Variants in LRP1B observed in about 807,000 individuals in gnomAD.
LRP1B encodes the protein LDL receptor related protein 1B.
A neutral mutation model predicts 556.6 loss-of-function variants in LRP1B; 217 were observed. The ratio of observed to expected loss-of-function variants is 0.39; its 90% CI spans 0.35 to 0.44. The LOEUF (loss-of-function observed/expected upper bound fraction) is 0.44. Ranked by LOEUF, LRP1B falls within the 20% of genes least tolerant of loss-of-function variation. The pLI is 1.00. For missense variants in LRP1B, 5,053 were observed against 5,620.8 expected (o/e 0.90, Z 3.23); for synonymous variants, 2,047 against 1,865.8 (o/e 1.10, Z -2.50).
At chr2:141,729,619 T>C (rs1693192105) in intron 2 of LRP1B, among the ~76,000 whole-genome samples, 1 of 152,178 alleles carries the variant, frequency 6.6e-6, no homozygotes, top group African/African-American at 2.4e-5. Context: ...GAAATCCACA[T>C]TTTGTAAAGG....
At chr2:141,224,962 C>A (rs1683187124) in intron 6 of LRP1B, among the ~76,000 whole-genome samples, 1 of 151,924 alleles carries the variant, frequency 6.6e-6, no homozygotes, top group South Asian at 2.1e-4. Flanking sequence ...GCACATGTAT[C>A]CCAGAACTTG....
chr2:141,160,656 A>T (rs1351928456), intron 7 of LRP1B, among the ~76,000 whole-genome samples: 1 of 152,082 alleles, frequency 6.6e-6, no homozygotes, highest in African/African-American at 2.4e-5. Flanking sequence ...AGCCAATTTC[A>T]AAAAGTTTTT....
chr2:141,379,927 C>T (rs1689575650), intron 3 of LRP1B, among the ~76,000 whole-genome samples: 2 of 152,162 alleles, frequency 1.3e-5, no homozygotes, highest in South Asian at 4.1e-4. Context: ...AAAGGTCTGC[C>T]TAAAATGGGT....
At chr2:141,312,241 C>T (rs1188879276) in intron 3 of LRP1B, among the ~76,000 whole-genome samples, 6 of 152,120 alleles carry the variant, frequency 3.9e-5, no homozygotes, top group African/African-American at 1.2e-4. Context: ...GCCGACCCCT[C>T]ATTTTCCTCC....
chr2:141,959,177 C>A (rs1173876288), intron 1 of LRP1B, among the ~76,000 whole-genome samples: 2 of 151,932 alleles, frequency 1.3e-5, no homozygotes, highest in Admixed American at 6.6e-5. Flanking sequence ...AAACATAGCT[C>A]TTGTTTAGGA....
At chr2:141,408,204 A>G (rs1477824640) in intron 3 of LRP1B, among the ~76,000 whole-genome samples, 2 of 138,034 alleles carry the variant, frequency 1.4e-5, no homozygotes, top group African/African-American at 5.4e-5. Flanking sequence ...GTGCAGTGGC[A>G]TGATCTCGGC....
chr2:140,478,828 G>A (rs1460831159), intron 59 of LRP1B, among the ~76,000 whole-genome samples: 5 of 152,018 alleles, frequency 3.3e-5, no homozygotes, highest in East Asian at 3.9e-4. Flanking sequence ...AACAAACGTA[G>A]AACATTGATA....
chr2:141,136,488 C>T (rs1701495087), intron 7 of LRP1B, among the ~76,000 whole-genome samples: 1 of 151,426 alleles, frequency 6.6e-6, no homozygotes, highest in East Asian at 1.9e-4. Context: ...TTTTATTTAT[C>T]TAAAGGCAAG....
At chr2:140,890,886 A>G (rs1429716051) in intron 23 of LRP1B, among the ~76,000 whole-genome samples, 1 of 152,078 alleles carries the variant, frequency 6.6e-6, no homozygotes, top group Non-Finnish European at 1.5e-5. Flanking sequence ...AGAATTTTCT[A>G]GTTTGTTTTA....
At chr2:142,119,213 T>C (rs1707371562) in intron 1 of LRP1B, among the ~76,000 whole-genome samples, 1 of 152,164 alleles carries the variant, frequency 6.6e-6, no homozygotes, top group African/African-American at 2.4e-5. Flanking sequence ...CATACCATGC[T>C]TGAAAACTAA....
intron 1 of LRP1B, among the ~76,000 whole-genome samples, chr2:141,986,965 T>C (rs540755800): frequency 1.1e-4 from 17 of 152,136 alleles, no homozygotes; most frequent in Admixed American, 1.0e-3. Flanking sequence ...ATGACCTTGG[T>C]AAGTATTTAA....
At chr2:142,056,897 G>A (rs948811854) in intron 1 of LRP1B, among the ~76,000 whole-genome samples, 1 of 138,358 alleles carries the variant, frequency 7.2e-6, no homozygotes, top group Admixed American at 7.9e-5. Flanking sequence ...ATCCTTTATT[G>A]CAATAAATAT....
chr2:140,313,017 T>A (rs993632606), intron 83 of LRP1B, among the ~76,000 whole-genome samples: 7 of 151,970 alleles, frequency 4.6e-5, no homozygotes, highest in Non-Finnish European at 1.0e-4. Context: ...CAACAATGAA[T>A]AAATCCATGA....
intron 1 of LRP1B, among the ~76,000 whole-genome samples, chr2:141,973,470 G>A (rs1314770061): frequency 6.6e-6 from 1 of 151,658 alleles, no homozygotes; most frequent in Non-Finnish European, 1.5e-5. Context: ...GAGACCAGAA[G>A]GAAAAGAAAA....
chr2:140,246,450 T>C (rs1041500075), intron 87 of LRP1B, among the ~76,000 whole-genome samples: 1 of 151,344 alleles, frequency 6.6e-6, no homozygotes, highest in Admixed American at 6.6e-5. Flanking sequence ...TGTCAGAAAC[T>C]GTACACAGAC....
intron 43 of LRP1B, among the ~76,000 whole-genome samples, chr2:140,557,238 T>C (rs1680767067): frequency 6.6e-6 from 1 of 152,152 alleles, no homozygotes. Context: ...ATCAATTTCT[T>C]GAATAAGACA....
intron 1 of LRP1B, among the ~76,000 whole-genome samples, chr2:142,064,995 A>C (rs1293809631): frequency 5.3e-5 from 1 of 18,974 alleles, no homozygotes; most frequent in Admixed American, 1.2e-3. Context: ...TGAAAAATTA[A>C]ACAAAATAAT....
At chr2:140,307,326 T>G (rs567958088) in intron 83 of LRP1B, among the ~76,000 whole-genome samples, 168 of 152,090 alleles carry the variant, frequency 1.1e-3, no homozygotes, top group Middle Eastern at 6.8e-3. Flanking sequence ...CAGTCCACAG[T>G]AACTGGAAGT....
chr2:142,064,014 A>C (rs1331734029), intron 1 of LRP1B, among the ~76,000 whole-genome samples: 1 of 151,552 alleles, frequency 6.6e-6, no homozygotes, highest in Non-Finnish European at 1.5e-5. Flanking sequence ...TTATTGAATA[A>C]TATCCTTCTA....
Sources: allele counts gnomAD v4.1 joint callset (sites outside exome capture counted in the v4.1 genomes callset), GRCh38; gene constraint gnomAD v4.1.1; transcripts MANE v1.5; gene names NCBI Gene and HGNC (gene_info 2026-07-23, HGNC 2026-07-21).